Variants in NRXN3 observed in about 807,000 individuals in gnomAD.
NRXN3 encodes neurexin III.
Under a neutral mutation model 137.6 loss-of-function variants are expected in NRXN3, and 32 were observed. The ratio of observed to expected loss-of-function variants is 0.23; its 90% CI spans 0.18 to 0.31. The LOEUF (loss-of-function observed/expected upper bound fraction) is 0.31, where lower values mean the gene tolerates loss of function less well. Ranked by LOEUF, NRXN3 falls within the 10% of genes least tolerant of loss-of-function variation. The probability of loss-of-function intolerance (pLI) is 1.00; values close to 1 mark genes in which losing one functional copy is unlikely to be tolerated. For synonymous variants in NRXN3, 798 were observed against 784.5 expected (o/e 1.02, Z -0.29); for missense variants, 1,574 against 2,062.5 (o/e 0.76, Z 4.59).
chr14:78,752,678 G>A (rs1311328831), intron 8 of NRXN3, among the ~76,000 whole-genome samples: 1 of 152,146 alleles, frequency 6.6e-6, no homozygotes, highest in Non-Finnish European at 1.5e-5. Context: ...GGTGTAGCAG[G>A]CAGAAGAAGC....
intron 10 of NRXN3, among the ~76,000 whole-genome samples, chr14:78,926,795 A>T (rs1383149104): frequency 3.7e-5 from 2 of 53,688 alleles, no homozygotes; most frequent in African/African-American, 9.3e-5. Context: ...TATATTATAT[A>T]TTATATATTT....
intron 4 of NRXN3, among the ~76,000 whole-genome samples, chr14:78,417,838 C>A (rs2093229164): frequency 6.6e-6 from 1 of 152,174 alleles, no homozygotes; most frequent in African/African-American, 2.4e-5. Context: ...CTCACTGCAA[C>A]CTGCACCTCC....
At chr14:79,131,446 G>T (rs2057457610) in intron 15 of NRXN3, among the ~76,000 whole-genome samples, 1 of 152,162 alleles carries the variant, frequency 6.6e-6, no homozygotes, top group South Asian at 2.1e-4. Context: ...CGTGTGAGGT[G>T]TCAGTCTGCC....
At chr14:79,608,729 GA>G (rs2098057635) in intron 16 of NRXN3, among the ~76,000 whole-genome samples, 1 of 152,120 alleles carries the variant, frequency 6.6e-6, no homozygotes, top group Non-Finnish European at 1.5e-5. Flanking sequence ...AAATAGAAAT[GA>G]GACAGAATTC....
At chr14:78,598,926 A>T (rs1278943517) in intron 4 of NRXN3, among the ~76,000 whole-genome samples, 1 of 152,214 alleles carries the variant, frequency 6.6e-6, no homozygotes, top group Non-Finnish European at 1.5e-5. Context: ...TGGTTACAAT[A>T]AAAAAGCTGG....
At chr14:78,742,328 A>T (rs1352287775) in intron 8 of NRXN3, among the ~76,000 whole-genome samples, 1 of 152,194 alleles carries the variant, frequency 6.6e-6, no homozygotes, top group Non-Finnish European at 1.5e-5. Flanking sequence ...GAATTGTTTT[A>T]CCTCAGGTTT....
Position 79,025,266 on chromosome 14 carries a change from G to T in NRXN3, c.3262+37125G>T, listed in dbSNP as rs148414805. Among the ~76,000 whole-genome samples the T allele has an allele frequency of 4.6e-5, 7 of 152,210 alleles. No individual in the cohort carries two copies. The East Asian group carries it at 1.4e-3, about 29-fold the overall frequency. On this transcript the variant is annotated intron_variant, in intron 15 of 20. Transcript: ENST00000335750. Reference sequence around the variant, plus strand: ...TCCAAATACCTTCCAGTATCAGCTAGTCTTATGCACTGTGATTGGATAGTT... The same window carrying T: ...TCCAAATACCTTCCAGTATCAGCTATTCTTATGCACTGTGATTGGATAGTT...
intron 15 of NRXN3, among the ~76,000 whole-genome samples, chr14:79,353,783 C>T (rs1403421676): frequency 6.6e-6 from 1 of 152,042 alleles, no homozygotes; most frequent in African/African-American, 2.4e-5. Flanking sequence ...CCATTTTTTC[C>T]TATGGTCCGG....
chr14:78,755,191 T>A (rs907659351), intron 8 of NRXN3, among the ~76,000 whole-genome samples: 2 of 63,806 alleles, frequency 3.1e-5, no homozygotes, highest in Non-Finnish European at 5.0e-5. Flanking sequence ...AGTTTTTGTA[T>A]TTTTTTTTTT....
chr14:78,779,101 G>A (rs1200470627), intron 8 of NRXN3, among the ~76,000 whole-genome samples: 1 of 151,928 alleles, frequency 6.6e-6, no homozygotes, highest in Admixed American at 6.6e-5. Flanking sequence ...AACTGTATGT[G>A]TATTACATAT....
intron 15 of NRXN3, among the ~76,000 whole-genome samples, chr14:79,400,129 C>T (rs1032698564): frequency 2.0e-5 from 3 of 152,198 alleles, no homozygotes; most frequent in Non-Finnish European, 4.4e-5. Flanking sequence ...TACAACGATT[C>T]TATTTGCAAG....
At chr14:79,828,109 G>A (rs1399575731) in intron 20 of NRXN3, among the ~76,000 whole-genome samples, 6 of 152,134 alleles carry the variant, frequency 3.9e-5, no homozygotes, top group Non-Finnish European at 8.8e-5. Context: ...CAGCTTTGGG[G>A]ATTACAGTTC....
At chr14:78,624,401 C>T (rs577556521) in intron 4 of NRXN3, among the ~76,000 whole-genome samples, 3 of 152,220 alleles carry the variant, frequency 2.0e-5, no homozygotes, top group East Asian at 1.9e-4. Flanking sequence ...ATTAAGCACT[C>T]GAAGCAGAAC....
intron 16 of NRXN3, among the ~76,000 whole-genome samples, chr14:79,565,073 C>A (rs890032002): frequency 3.3e-5 from 5 of 152,012 alleles, no homozygotes; most frequent in South Asian, 2.1e-4. Context: ...TTAAACCAAG[C>A]AGCATCAGCT....
chr14:79,105,486 G>T (rs756990168), intron 15 of NRXN3, among the ~76,000 whole-genome samples: 3 of 152,144 alleles, frequency 2.0e-5, no homozygotes, highest in Admixed American at 1.3e-4. Context: ...TTCTCTGGTT[G>T]AAGTTTTAGT....
chr14:79,203,951 C>T (rs2066421402), intron 15 of NRXN3, among the ~76,000 whole-genome samples: 1 of 151,998 alleles, frequency 6.6e-6, no homozygotes, highest in Admixed American at 6.6e-5. Flanking sequence ...GATGATTTCC[C>T]TGGTATAAAC....
chr14:78,210,429 G>A (rs1325936201), intron 1 of NRXN3, among the ~76,000 whole-genome samples: 1 of 152,142 alleles, frequency 6.6e-6, no homozygotes. Context: ...ATAAACTTAG[G>A]TGGGGGAATG....
chr14:79,482,318 C>T (rs1160946839), intron 16 of NRXN3, among the ~76,000 whole-genome samples: 1 of 152,186 alleles, frequency 6.6e-6, no homozygotes, highest in African/African-American at 2.4e-5. Context: ...CTTTCACTGT[C>T]ATAATTTTCT....
intron 4 of NRXN3, among the ~76,000 whole-genome samples, chr14:78,471,322 ACACACACACACC>A (rs760428226): frequency 0.051 from 4,847 of 95,162 alleles, 208 homozygotes; most frequent in African/African-American, 0.16. Context: ...ACACACACAC[ACACACACACACC>A]CCCAAGAAAT....
Sources: allele counts gnomAD v4.1 joint callset (sites outside exome capture counted in the v4.1 genomes callset), GRCh38; gene constraint gnomAD v4.1.1; transcripts MANE v1.5; gene names NCBI Gene and HGNC (gene_info 2026-07-23, HGNC 2026-07-21).